Variants in ARID1B observed in about 807,000 individuals in gnomAD.
The protein encoded by ARID1B is AT-rich interaction domain 1B.
A neutral mutation model predicts 212.3 loss-of-function variants in ARID1B; 30 were observed. The observed-to-expected ratio is 0.14, with a 90% CI of 0.11 to 0.19. The LOEUF (loss-of-function observed/expected upper bound fraction) is 0.19. Among genes scored for constraint, ARID1B ranks in the 10% least tolerant of loss-of-function variants. ARID1B has a pLI of 1.00. For missense variants in ARID1B, 2,891 were observed against 3,204.0 expected (o/e 0.90, Z 2.36); for synonymous variants, 1,402 against 1,301.7 (o/e 1.08, Z -1.66).
Position 157,004,896 on chromosome 6 carries a change from TC to T in ARID1B, c.2247+69321del, listed in dbSNP as rs1779128911. On this transcript the variant is annotated intron_variant, in intron 4 of 19. Coordinates refer to ENST00000636930, the MANE Select transcript of ARID1B (RefSeq NM_001374828.1). Reference sequence around the variant, plus strand: ...CTTTTTTCTTTTTCTTCTTCTTTTTTCTTTTTTTTTTTTTTTTTTTTTTTTT... The same window carrying T: ...CTTTTTTCTTTTTCTTCTTCTTTTTTTTTTTTTTTTTTTTTTTTTTTTTTT... 1.9e-3 allele frequency among the ~76,000 whole-genome samples: 72 copies of T among 37,740 alleles called. 9 individuals are homozygous for T. The highest frequency in any genetic ancestry group is 9.3e-3 in the African/African-American group (55 of 5,940). 24.8% of individuals were successfully genotyped at this position (37,740 alleles called of 152,430 possible).
intron 4 of ARID1B, among the ~76,000 whole-genome samples, chr6:156,966,642 G>A (rs1319052908): frequency 1.3e-5 from 2 of 151,944 alleles, no homozygotes; most frequent in Admixed American, 6.5e-5. Flanking sequence ...TGATCCACCC[G>A]CCTCGTGCTC....
At chr6:157,140,427 A>G (rs1789263873) in intron 7 of ARID1B, among the ~76,000 whole-genome samples, 1 of 152,184 alleles carries the variant, frequency 6.6e-6, no homozygotes, top group Non-Finnish European at 1.5e-5. Flanking sequence ...CCGAGATCAC[A>G]CTACTACACT....
intron 2 of ARID1B, among the ~76,000 whole-genome samples, chr6:156,853,025 T>C (rs1403294128): frequency 6.6e-6 from 1 of 152,240 alleles, no homozygotes. Context: ...TTAAGGAATG[T>C]GCTACATGCA....
In ARID1B at chr6:156,880,014, C is replaced by G. The variant is rs1268606719; in HGVS notation, c.1987-21362C>G. 5.3e-5 allele frequency among the ~76,000 whole-genome samples: 8 copies of G among 152,306 alleles called. No individual in the cohort carries two copies. In the South Asian group the frequency reaches 8.3e-4, roughly 16 times the overall value. ...ATTAGAAGATTTCCAAAGGCTGTTC[C>G]AGTAGGGGCTGTGGGCTTCTGGGAG... On this transcript the variant is annotated intron_variant, in intron 2 of 19. Transcript: ENST00000636930.
At chr6:157,042,765 T>C (rs902432448) in intron 4 of ARID1B, among the ~76,000 whole-genome samples, 4 of 151,744 alleles carry the variant, frequency 2.6e-5, no homozygotes, top group African/African-American at 9.7e-5. Context: ...TTCAAGTGAT[T>C]CTCCTGCCTC....
intron 4 of ARID1B, among the ~76,000 whole-genome samples, chr6:157,048,804 G>A (rs1219718691): frequency 6.6e-6 from 1 of 152,186 alleles, no homozygotes; most frequent in African/African-American, 2.4e-5. Flanking sequence ...TGATTTATTC[G>A]TTTGTGCATA....
intron 3 of ARID1B, among the ~76,000 whole-genome samples, chr6:156,906,811 TTTTA>T (rs1468276271): frequency 1.3e-5 from 2 of 152,214 alleles, no homozygotes; most frequent in African/African-American, 4.8e-5. Flanking sequence ...TTTCAGTTTC[TTTTA>T]TAACATTCTT....
intron 8 of ARID1B, among the ~76,000 whole-genome samples, chr6:157,164,476 G>A (rs1345458061): frequency 2.0e-5 from 3 of 152,200 alleles, no homozygotes. Context: ...GTATAAACAA[G>A]TGTCTCAAGG....
At position 156,976,329 on chromosome 6, in the gene ARID1B, G is replaced by A. The variant is rs376331688; in HGVS notation, c.2247+40753G>A. 30 of 163,068 alleles carry A rather than the reference G, an allele frequency of 1.8e-4. No homozygotes were observed. In the East Asian group the frequency reaches 5.1e-3, roughly 28 times the overall value. The allele number at this position is 163,068 out of a possible 1,614,324, so 10.1% of individuals were successfully genotyped here. ...TCAAGAGCATCAACAATGCCGAAAAGAGGCAAACGCTAGGTGCTTTTTAAG... is the reference window on the plus strand; with the variant it reads ...TCAAGAGCATCAACAATGCCGAAAAAAGGCAAACGCTAGGTGCTTTTTAAG... On this transcript the variant is annotated intron_variant, in intron 4 of 19. Coordinates refer to ENST00000636930, the MANE Select transcript of ARID1B (RefSeq NM_001374828.1).
rs1783323369 is a variant in ARID1B at position 156,834,001 on chromosome 6, C to T, written c.1986+4580C>T. On this transcript the variant is annotated intron_variant, in intron 2 of 19. Coordinates refer to ENST00000636930, the MANE Select transcript of ARID1B (RefSeq NM_001374828.1). Reference sequence around the variant, plus strand: ...AATGTTTCCTTTGGGGTTATTAAGGCAGCCAGGCAATTTCTAGGGTTTCCA... The same window carrying T: ...AATGTTTCCTTTGGGGTTATTAAGGTAGCCAGGCAATTTCTAGGGTTTCCA... Among the ~76,000 whole-genome samples the T allele has an allele frequency of 5.3e-5, 8 of 152,184 alleles. No individual in the cohort carries two copies. The South Asian group carries it at 1.7e-3, about 32-fold the overall frequency.
intron 5 of ARID1B, among the ~76,000 whole-genome samples, chr6:157,105,919 T>A (rs1786446981): frequency 6.6e-6 from 1 of 152,136 alleles, no homozygotes; most frequent in African/African-American, 2.4e-5. Context: ...AAAATTTTTT[T>A]AAACAGCAAT....
chr6:156,910,568 C>T (rs1052799411), intron 3 of ARID1B, among the ~76,000 whole-genome samples: 3 of 152,162 alleles, frequency 2.0e-5, no homozygotes, highest in African/African-American at 7.2e-5. Flanking sequence ...TCTCTGTTCT[C>T]GGTCTGCTCT....
chr6:156,809,713 GAA>G (rs370188789), intron 1 of ARID1B, among the ~76,000 whole-genome samples: 151 of 104,442 alleles, frequency 1.4e-3, no homozygotes, highest in African/African-American at 2.3e-3. Flanking sequence ...CTTTTTCAAA[GAA>G]AAAAAAAAAA....
intron 2 of ARID1B, among the ~76,000 whole-genome samples, chr6:156,837,118 T>G (rs932774809): frequency 6.6e-6 from 1 of 152,252 alleles, no homozygotes; most frequent in African/African-American, 2.4e-5. Context: ...AAATTGTTGG[T>G]ATCAGTCTAA....
At chr6:156,896,768 A>G (rs1334767913) in intron 2 of ARID1B, among the ~76,000 whole-genome samples, 1 of 151,926 alleles carries the variant, frequency 6.6e-6, no homozygotes, top group Non-Finnish European at 1.5e-5. Context: ...AATCCCAGCT[A>G]CTCGGGAGGC....
intron 1 of ARID1B, among the ~76,000 whole-genome samples, chr6:156,809,782 T>C (rs1302984048): frequency 6.6e-6 from 1 of 151,178 alleles, no homozygotes; most frequent in Non-Finnish European, 1.5e-5. Context: ...AAAGTAGCCT[T>C]CTCAAGTCTG....
In ARID1B at chr6:157,208,149, G is replaced by C. The variant is rs1434402995; in HGVS notation, c.*258G>C. The C allele has an allele frequency of 8.7e-6, 3 of 345,462 alleles. No individual in the cohort carries two copies. The highest frequency in any genetic ancestry group is 1.5e-5 in the Non-Finnish European group (3 of 196,500). 21.4% of individuals were successfully genotyped at this position (345,462 alleles called of 1,614,324 possible). A position where few individuals can be genotyped will look rare whatever the true frequency, so the allele number is the denominator to read the frequency against. On this transcript the variant is annotated 3_prime_UTR_variant, in exon 20 of 20. Coordinates refer to ENST00000636930, the MANE Select transcript of ARID1B (RefSeq NM_001374828.1). ...TTTTTTTAACCAAAGTTGCTGTCTA[G>C]TGCATTCAAAGGTCACTTTTTGTTC...
chr6:157,062,340 G>A (rs1411410879), intron 4 of ARID1B, among the ~76,000 whole-genome samples: 1 of 151,744 alleles, frequency 6.6e-6, no homozygotes, highest in Non-Finnish European at 1.5e-5. Flanking sequence ...GGGACCACAG[G>A]CACACACCAC....
At chr6:157,081,278 T>C (rs976603163) in intron 4 of ARID1B, among the ~76,000 whole-genome samples, 2 of 152,346 alleles carry the variant, frequency 1.3e-5, no homozygotes, top group East Asian at 1.9e-4. Flanking sequence ...ATAGTACTTA[T>C]AAAAGAAGAA....
Sources: allele counts gnomAD v4.1 joint callset (sites outside exome capture counted in the v4.1 genomes callset), GRCh38; gene constraint gnomAD v4.1.1; transcripts MANE v1.5; gene names NCBI Gene and HGNC (gene_info 2026-07-23, HGNC 2026-07-21).